Variants in FGFR2 observed in about 807,000 individuals in gnomAD.
FGFR2 encodes the protein BEK fibroblast growth factor receptor.
A neutral mutation model predicts 95.9 loss-of-function variants in FGFR2; 19 were observed. The observed-to-expected ratio is 0.20, with a 90% CI of 0.14 to 0.29. The LOEUF (loss-of-function observed/expected upper bound fraction) is 0.29. FGFR2 is among the 10% of genes least tolerant of loss of function. The pLI, the probability that FGFR2 is intolerant of heterozygous loss-of-function variation, is 1.00. For synonymous variants in FGFR2, 392 were observed against 393.3 expected (o/e 1.00, Z 0.04); for missense variants, 707 against 1,056.9 (o/e 0.67, Z 4.59).
rs145770994 is a variant in FGFR2, at chr10:121,485,680, G to A, written c.2058-148C>T. ...CAGTTCCTCCTATGTGCTCTTTCCT[G>A]CCCTGCAAGAGCATCCCCGAATGAT... On this transcript the variant is annotated intron_variant, in intron 15 of 17. Transcript: ENST00000358487. This position sits in a 1 kb window ranked among gnomAD's most constrained non-coding sequence, Gnocchi z 4.2. 1,179 of 1,027,842 alleles carry A rather than the reference G, an allele frequency of 1.1e-3. 4 individuals are homozygous for A. Among genetic ancestry groups the A allele is most frequent in the African/African-American group, 7.7e-3 (484 of 63,216 alleles). 63.7% of individuals were successfully genotyped at this position (1,027,842 alleles called of 1,614,324 possible).
At position 121,480,860 on chromosome 10, in the gene FGFR2, G is replaced by A. The variant is rs145562620; in HGVS notation, c.2302-839C>T. Among the ~76,000 whole-genome samples, 398 of 152,150 alleles carry A rather than the reference G, an allele frequency of 2.6e-3. 2 individuals carry two copies. Among genetic ancestry groups the A allele is most frequent in the Middle Eastern group, 0.014 (4 of 294 alleles). On this transcript the variant is annotated intron_variant, in intron 17 of 17. Transcript: ENST00000358487. ...ACTTCCTCCGACTTGGGTGCCCACA[G>A]ACGACTTTGTATGGCCTGAGGGCTA... is the stretch of plus-strand genomic sequence containing the variant.
intron 11 of FGFR2, among the ~76,000 whole-genome samples, chr10:121,499,302 C>T (rs1847281217): frequency 1.3e-5 from 2 of 152,086 alleles, no homozygotes; most frequent in African/African-American, 4.8e-5. Flanking sequence ...GTGCCCTCCA[C>T]CTCAAGCTAA....
intron 6 of FGFR2, among the ~76,000 whole-genome samples, chr10:121,536,538 C>T (rs1039793653): frequency 1.3e-5 from 2 of 152,162 alleles, no homozygotes; most frequent in Non-Finnish European, 2.9e-5. Flanking sequence ...TTCAACAAGA[C>T]TGATTGCCAG....
chr10:121,515,709 C>T (rs752863380), intron 8 of FGFR2, among the ~76,000 whole-genome samples: 1 of 151,814 alleles, frequency 6.6e-6, no homozygotes, highest in Non-Finnish European at 1.5e-5. Context: ...CAACGATGCC[C>T]ACTTTTGTTT....
At chr10:121,573,710 C>CA (rs1859232362) in intron 2 of FGFR2, among the ~76,000 whole-genome samples, 1 of 152,004 alleles carries the variant, frequency 6.6e-6, no homozygotes, top group African/African-American at 2.4e-5. Context: ...GTTAGGAGCA[C>CA]ACCCGGGAGG....
intron 2 of FGFR2, among the ~76,000 whole-genome samples, chr10:121,576,339 G>C (rs1236692657): frequency 6.6e-6 from 1 of 152,204 alleles, no homozygotes; most frequent in Non-Finnish European, 1.5e-5. Context: ...GTACAATGAG[G>C]AGTCTGTGTG....
chr10:121,570,020 G>T (rs1314890347), intron 2 of FGFR2, among the ~76,000 whole-genome samples: 2 of 152,194 alleles, frequency 1.3e-5, no homozygotes, highest in Non-Finnish European at 2.9e-5. Context: ...GGGGCCATAC[G>T]CTGGGGAGGG....
chr10:121,534,980 A>G (rs1212462165), intron 6 of FGFR2, among the ~76,000 whole-genome samples: 2 of 152,198 alleles, frequency 1.3e-5, no homozygotes, highest in African/African-American at 4.8e-5. Context: ...TTGCAAAAGT[A>G]CTTAAGTTAA....
At chr10:121,590,933 A>C (rs1203412249) in intron 2 of FGFR2, among the ~76,000 whole-genome samples, 1 of 152,214 alleles carries the variant, frequency 6.6e-6, no homozygotes, top group Non-Finnish European at 1.5e-5. Flanking sequence ...AGTAGTTCTA[A>C]TCATGGAGAA....
chr10:121,556,396 ACTCTCTCT>A (rs35668561), intron 4 of FGFR2, among the ~76,000 whole-genome samples: 151 of 128,184 alleles, frequency 1.2e-3, no homozygotes, highest in South Asian at 1.8e-3. Flanking sequence ...TTTATAATCT[ACTCTCTCT>A]CTCTCTCTCT....
intron 6 of FGFR2, among the ~76,000 whole-genome samples, chr10:121,525,798 T>C (rs913648223): frequency 4.6e-5 from 7 of 152,156 alleles, no homozygotes; most frequent in Admixed American, 6.5e-5. Flanking sequence ...ATAAAAAATG[T>C]CCACCGAGCC....
intron 2 of FGFR2, among the ~76,000 whole-genome samples, chr10:121,566,461 C>T (rs1377698448): frequency 2.0e-5 from 3 of 152,148 alleles, no homozygotes; most frequent in East Asian, 1.9e-4. Flanking sequence ...GCTGTGTGCC[C>T]CCGACTCCAC....
At chr10:121,557,283 G>A (rs560896992) in intron 4 of FGFR2, among the ~76,000 whole-genome samples, 1 of 152,318 alleles carries the variant, frequency 6.6e-6, no homozygotes, top group African/African-American at 2.4e-5. Context: ...ACCATCAACA[G>A]TATTTGTGAT....
At chr10:121,571,709 C>T (rs913801113) in intron 2 of FGFR2, among the ~76,000 whole-genome samples, 7 of 151,910 alleles carry the variant, frequency 4.6e-5, no homozygotes, top group African/African-American at 1.4e-4. Context: ...TTTGGGAGGC[C>T]GAAGCGGGCG....
chr10:121,596,730 T>G (rs959819458), intron 1 of FGFR2: 17 of 193,092 alleles, frequency 8.8e-5, no homozygotes, highest in African/African-American at 3.7e-4. Flanking sequence ...TGCGAGCAGC[T>G]TGGGGGTGCT....
At chr10:121,572,463 T>C (rs1418954657) in intron 2 of FGFR2, among the ~76,000 whole-genome samples, 2 of 151,934 alleles carry the variant, frequency 1.3e-5, no homozygotes, top group Admixed American at 1.3e-4. Context: ...CTATTAAATA[T>C]AAAAAATTAG....
chr10:121,541,458 T>C (rs41295483), intron 5 of FGFR2, among the ~76,000 whole-genome samples: 20 of 152,226 alleles, frequency 1.3e-4, no homozygotes, highest in African/African-American at 4.6e-4. Flanking sequence ...GTTTGGGGGT[T>C]TTTTTTCATT....
At chr10:121,524,151 A>C (rs1851003300) in intron 6 of FGFR2, among the ~76,000 whole-genome samples, 1 of 124,702 alleles carries the variant, frequency 8.0e-6, no homozygotes, top group Non-Finnish European at 1.8e-5. Context: ...CACACACCCC[A>C]AGTTTGCAAT....
intron 5 of FGFR2, among the ~76,000 whole-genome samples, chr10:121,540,955 C>T (rs939082383): frequency 6.6e-6 from 1 of 152,126 alleles, no homozygotes; most frequent in African/African-American, 2.4e-5. Flanking sequence ...CACATTAAAT[C>T]TTGGCATATG....
Sources: allele counts gnomAD v4.1 joint callset (sites outside exome capture counted in the v4.1 genomes callset), GRCh38; gene constraint gnomAD v4.1.1; non-coding constraint Gnocchi (gnomAD v3.1); transcripts MANE v1.5; gene names NCBI Gene and HGNC (gene_info 2026-07-23, HGNC 2026-07-21).